The following ELAPOR1 variants were observed in gnomAD, a reference collection of about 807,000 sequenced individuals.
ELAPOR1 encodes endosome-lysosome associated apoptosis and autophagy regulator 1.
A neutral mutation model predicts 119.7 loss-of-function variants in ELAPOR1; 77 were observed. The ratio of observed to expected loss-of-function variants is 0.64; its 90% confidence interval spans 0.54 to 0.78. The LOEUF (loss-of-function observed/expected upper bound fraction) is 0.78, where lower values mean the gene tolerates loss of function less well. Ranked by LOEUF, ELAPOR1 falls within the 30% of genes least tolerant of loss-of-function variation. The pLI is 0.00. For missense variants in ELAPOR1, 1,115 were observed against 1,270.4 expected (o/e 0.88, Z 1.86); for synonymous variants, 481 against 487.2 (o/e 0.99, Z 0.17).
intron 1 of ELAPOR1, among the ~76,000 whole-genome samples, chr1:109,114,773 G>A (rs149833982): frequency 0.018 from 2,733 of 152,322 alleles, 91 homozygotes; most frequent in African/African-American, 0.062. Flanking sequence ...GTATCAGAGC[G>A]AAGTGGTTTT....
At chr1:109,126,850 G>A (rs1267689350) in intron 1 of ELAPOR1, among the ~76,000 whole-genome samples, 1 of 152,170 alleles carries the variant, frequency 6.6e-6, no homozygotes, top group African/African-American at 2.4e-5. Context: ...TTGGCTGTGA[G>A]GAAGGCGAAG....
chr1:109,188,566 CT>C (rs1308789771), intron 9 of ELAPOR1, among the ~76,000 whole-genome samples: 1 of 152,190 alleles, frequency 6.6e-6, no homozygotes, highest in African/African-American at 2.4e-5. Flanking sequence ...GGCTGCCTTC[CT>C]TCCTCCTTGC....
At chr1:109,195,547 G>A (rs554269248) in intron 15 of ELAPOR1, among the ~76,000 whole-genome samples, 72 of 151,932 alleles carry the variant, frequency 4.7e-4, no homozygotes, top group Admixed American at 1.5e-3. Context: ...AAAAACCCCA[G>A]AAATATGCAG....
intron 4 of ELAPOR1, 151 bp downstream of exon 4, chr1:109,172,164 C>T: frequency 3.0e-6 from 3 of 990,346 alleles, no homozygotes; most frequent in South Asian, 3.1e-5. Context: ...GAGCTGAGGC[C>T]CAGGAGGCAA....
intron 21 of ELAPOR1, chr1:109,201,395 G>T (rs1326461461): frequency 2.2e-6 from 1 of 455,866 alleles, no homozygotes; most frequent in African/African-American, 2.0e-5. Flanking sequence ...TCTGAGCTGG[G>T]AGGGCTGGCT....
chr1:109,202,975 T>C lies in ELAPOR1; in HGVS notation c.3005T>C (p.Leu1002Pro). ...CCTGATGGATTTGACTCAGTGCCGC[T>C]GAAGACATCCTCAGGAGGCCTAGAC... ...RTPDGFDSVP[L>P]KTSSGGLDMD... Residue 1002 changes from leucine (L) to proline (P), a missense_variant, in exon 22 of 22, where the codon CTG (leucine) becomes CCG (proline). By Grantham distance (98) the Leu-to-Pro change is moderately conservative. Coordinates refer to ENST00000369939, the MANE Select transcript of ELAPOR1 (RefSeq NM_020775.5). 6.2e-7 allele frequency: 1 copy of C among 1,613,798 alleles called. No individual in the cohort carries two copies. The highest frequency in any genetic ancestry group is 1.1e-5 in the South Asian group (1 of 90,930).
At chr1:109,144,061 A>ATATATATTTTTTTTTTTTTTT in intron 1 of ELAPOR1, among the ~76,000 whole-genome samples, 44 of 88,972 alleles carry the variant, frequency 4.9e-4, no homozygotes, top group Non-Finnish European at 7.0e-4. Context: ...ATATTTATAT[A>ATATATATTTTTTTTTTTTTTT]TTTTTTTTTT....
At chr1:109,169,785 G>A (rs1651816357) in intron 3 of ELAPOR1, among the ~76,000 whole-genome samples, 1 of 152,202 alleles carries the variant, frequency 6.6e-6, no homozygotes, top group South Asian at 2.1e-4. Flanking sequence ...ATTTGGAGAG[G>A]ATGTGGAGCA....
Position 109,191,812 on chromosome 1 carries a change from C to T in ELAPOR1, c.1632C>T (p.Asn544=). The change falls in exon 13 of 22, where the codon AAC becomes AAT. Residue 544 remains asparagine, a synonymous_variant. Transcript: ENST00000369939. The stretch of plus-strand genomic sequence containing the variant: ...CCTATACCTACATCATTGAGGAGAA[C>T]ACTACCACGAGCTTCACCTGGGCCT... The part of the protein sequence containing the change: ...KQSYTYIIEE[N]TTTSFTWAFQ... 1.2e-6 allele frequency: 2 copies of T among 1,614,180 alleles called. No homozygotes were observed. Among genetic ancestry groups the T allele is most frequent in the Non-Finnish European group, 1.7e-6 (2 of 1,180,012 alleles).
At chr1:109,132,448 C>A (rs1375716625) in intron 1 of ELAPOR1, among the ~76,000 whole-genome samples, 1 of 152,054 alleles carries the variant, frequency 6.6e-6, no homozygotes, top group East Asian at 1.9e-4. Flanking sequence ...ACCCAGCCTG[C>A]CAGGCATTAT....
chr1:109,144,950 C>T (rs138979224), intron 1 of ELAPOR1, among the ~76,000 whole-genome samples: 11,017 of 152,174 alleles, frequency 0.072, 447 homozygotes, highest in Non-Finnish European at 0.09. Context: ...TATTATATAT[C>T]ATGCATATAC....
intron 8 of ELAPOR1, chr1:109,187,666 AC>A (rs1653140992): frequency 2.0e-6 from 2 of 987,154 alleles, no homozygotes; most frequent in African/African-American, 3.5e-5. Context: ...TCTCTGAGAC[AC>A]CAGGTCTGGC....
intron 3 of ELAPOR1, among the ~76,000 whole-genome samples, chr1:109,171,449 G>C (rs1040315758): frequency 1.3e-5 from 2 of 152,068 alleles, no homozygotes; most frequent in African/African-American, 4.8e-5. Flanking sequence ...CTACTCGGGA[G>C]GCTGAGACAG....
intron 3 of ELAPOR1, among the ~76,000 whole-genome samples, chr1:109,166,605 T>TCAGCAA (rs1476130575): frequency 6.6e-6 from 1 of 152,238 alleles, no homozygotes; most frequent in South Asian, 2.1e-4. Context: ...GACGAGGAAC[T>TCAGCAA]GGAAGCTCAG....
chr1:109,194,936 C>G (rs535831965), intron 15 of ELAPOR1, among the ~76,000 whole-genome samples: 4 of 151,236 alleles, frequency 2.6e-5, no homozygotes, highest in Admixed American at 1.3e-4. Context: ...GGAGAAACCC[C>G]GTCTCTACTA....
intron 2 of ELAPOR1, 119 bp from the exon 3 acceptor site, chr1:109,164,380 T>C: frequency 2.4e-6 from 2 of 817,392 alleles, no homozygotes; most frequent in Non-Finnish European, 3.9e-6. Context: ...CCCTAAATCT[T>C]AGTGGGCCAA....
In ELAPOR1 at chr1:109,177,574, G is replaced by A. The variant is rs562666517; in HGVS notation, c.952+3737G>A. Among the ~76,000 whole-genome samples, 9 of 150,194 alleles carry A rather than the reference G, an allele frequency of 6.0e-5. No individual in the cohort carries two copies. In the South Asian group the frequency reaches 1.5e-3, roughly 25 times the overall value. ...CAGAGGCTGCAATCTCGGCACTTTG[G>A]GAGGCCAAGGCAGGCTGCTGGGAGG... On this transcript the variant is annotated intron_variant, in intron 7 of 21. Transcript: ENST00000369939.
chr1:109,124,126 G>T (rs1189562024), intron 1 of ELAPOR1, among the ~76,000 whole-genome samples: 1 of 152,128 alleles, frequency 6.6e-6, no homozygotes, highest in Non-Finnish European at 1.5e-5. Context: ...ATCCATAAGT[G>T]TGTTTATTCC....
chr1:109,192,313 C>G (rs1653490205), intron 13 of ELAPOR1, among the ~76,000 whole-genome samples: 1 of 152,186 alleles, frequency 6.6e-6, no homozygotes. Context: ...TGCACAAGTA[C>G]ATTTTTTTCT....
Sources: gnomAD v4.1 joint callset for allele counts (sites outside exome capture counted in the v4.1 genomes callset) on GRCh38, gnomAD v4.1.1 for gene constraint, MANE v1.5 for transcripts, NCBI Gene and HGNC (gene_info 2026-07-23, HGNC 2026-07-21) for gene names.